RALYL: variants seen among roughly 807,000 people sequenced by gnomAD.
The protein encoded by RALYL is RALY RNA binding protein like, also known as RNA-binding Raly-like protein.
A neutral mutation model predicts 35.1 loss-of-function variants in RALYL; 29 were observed. The observed-to-expected ratio is 0.83, with a 90% CI of 0.61 to 1.13. The LOEUF (loss-of-function observed/expected upper bound fraction) is 1.13. Ranked by LOEUF, RALYL falls within the 50% of genes most tolerant of loss-of-function variation. RALYL has a pLI of 0.00. For missense variants in RALYL, 359 were observed against 360.4 expected (o/e 1.00, Z 0.03); for synonymous variants, 120 against 127.6 (o/e 0.94, Z 0.40).
intron 1 of RALYL, among the ~76,000 whole-genome samples, chr8:84,233,843 G>A (rs113990485): frequency 8.5e-5 from 13 of 152,090 alleles, no homozygotes; most frequent in African/African-American, 2.9e-4. Context: ...TTAAATTCTT[G>A]AGAATAGCAT....
chr8:84,605,349 C>G (rs1816875370), intron 2 of RALYL, among the ~76,000 whole-genome samples: 1 of 152,078 alleles, frequency 6.6e-6, no homozygotes. Context: ...TTACTAGAAA[C>G]TATTCTAAGC....
intron 1 of RALYL, among the ~76,000 whole-genome samples, chr8:84,397,243 C>A (rs1238228243): frequency 6.6e-6 from 1 of 152,152 alleles, no homozygotes; most frequent in African/African-American, 2.4e-5. Context: ...CTACCTATAC[C>A]TTAATTTTAG....
At chr8:84,535,500 G>A (rs1248481601) in intron 2 of RALYL, among the ~76,000 whole-genome samples, 1 of 148,676 alleles carries the variant, frequency 6.7e-6, no homozygotes, top group Non-Finnish European at 1.5e-5. Flanking sequence ...CAGTGGCGCT[G>A]TCTCGGCTCA....
chr8:84,521,512 AC>A (rs1189449766), intron 1 of RALYL, among the ~76,000 whole-genome samples: 2 of 152,068 alleles, frequency 1.3e-5, no homozygotes, highest in Admixed American at 1.3e-4. Flanking sequence ...AATGTGTTTA[AC>A]CCCCTTATGA....
chr8:84,510,138 C>T (rs2057490963), intron 1 of RALYL, among the ~76,000 whole-genome samples: 1 of 152,114 alleles, frequency 6.6e-6, no homozygotes, highest in Admixed American at 6.5e-5. Flanking sequence ...TGGAATATTT[C>T]TCCATTTATT....
chr8:84,308,730 C>G (rs1019701395), intron 1 of RALYL, among the ~76,000 whole-genome samples: 1 of 152,066 alleles, frequency 6.6e-6, no homozygotes, highest in African/African-American at 2.4e-5. Flanking sequence ...TTAAAATGTA[C>G]TGTCAGAACT....
intron 1 of RALYL, chr8:84,184,859 A>G: frequency 1.0e-6 from 1 of 990,640 alleles, no homozygotes. Context: ...AGCACCCGGG[A>G]GATGGGGGTA....
intron 6 of RALYL, among the ~76,000 whole-genome samples, chr8:84,869,199 A>C (rs1204467565): frequency 2.0e-5 from 3 of 152,162 alleles, no homozygotes; most frequent in Non-Finnish European, 4.4e-5. Context: ...ATAGAATTGA[A>C]AGTAAGAAAA....
At chr8:84,803,904 A>G (rs553263132) in intron 3 of RALYL, among the ~76,000 whole-genome samples, 1 of 152,318 alleles carries the variant, frequency 6.6e-6, no homozygotes, top group African/African-American at 2.4e-5. Context: ...ATTTAGTTAA[A>G]AATATCTTCA....
chr8:84,342,364 G>T (rs973185948), intron 1 of RALYL, among the ~76,000 whole-genome samples: 1 of 141,730 alleles, frequency 7.1e-6, no homozygotes, highest in Non-Finnish European at 1.5e-5. Context: ...CACATTAATC[G>T]TCTGTGAAGG....
At chr8:84,376,578 T>A (rs142539844) in intron 1 of RALYL, among the ~76,000 whole-genome samples, 61 of 151,840 alleles carry the variant, frequency 4.0e-4, no homozygotes, top group Admixed American at 9.2e-4. Context: ...GCAGGGTACT[T>A]GGCAAGTTGT....
chr8:84,334,568 T>C (rs997671912), intron 1 of RALYL, among the ~76,000 whole-genome samples: 3 of 151,630 alleles, frequency 2.0e-5, no homozygotes, highest in Admixed American at 2.0e-4. Context: ...TAACTTAACA[T>C]TTAATATTAT....
chr8:84,906,065 G>A (rs1401096522), intron 8 of RALYL, among the ~76,000 whole-genome samples: 1 of 150,762 alleles, frequency 6.6e-6, no homozygotes, highest in Non-Finnish European at 1.5e-5. Context: ...CCCCTACATT[G>A]TATTTATTGA....
intron 2 of RALYL, among the ~76,000 whole-genome samples, chr8:84,626,572 T>C (rs1403178313): frequency 6.6e-6 from 1 of 152,220 alleles, no homozygotes; most frequent in Non-Finnish European, 1.5e-5. Context: ...ATTCAGTGAG[T>C]ATTCAGAACC....
At chr8:84,749,844 C>T (rs1285055279) in intron 2 of RALYL, among the ~76,000 whole-genome samples, 1 of 152,168 alleles carries the variant, frequency 6.6e-6, no homozygotes, top group African/African-American at 2.4e-5. Flanking sequence ...GTCCAACATT[C>T]ATTGTAAGTC....
chr8:84,876,162 T>C (rs1490696341), intron 7 of RALYL, among the ~76,000 whole-genome samples: 2 of 152,164 alleles, frequency 1.3e-5, no homozygotes, highest in Admixed American at 6.6e-5. Context: ...CAAGATCATG[T>C]CTTCTCTTCC....
intron 1 of RALYL, among the ~76,000 whole-genome samples, chr8:84,482,989 T>C (rs993181249): frequency 1.3e-5 from 2 of 152,138 alleles, no homozygotes; most frequent in South Asian, 4.1e-4. Flanking sequence ...ACTATTTTTC[T>C]GCATTGGGTT....
rs181850815 is a variant in RALYL at position 84,288,051 on chromosome 8, C to T, written c.-24+103627C>T. On this transcript the variant is annotated intron_variant, in intron 1 of 8. Transcript: ENST00000521268. ...ATCCAGCTCTAGTGAATAAATAAAG[C>T]CCACAGGCTGAGTGTCAGGCTGGAA... Among the ~76,000 whole-genome samples, 33 of 152,218 alleles carry T rather than the reference C, an allele frequency of 2.2e-4. 2 individuals carry two copies. The East Asian group carries it at 4.4e-3, about 21-fold the overall frequency.
intron 1 of RALYL, among the ~76,000 whole-genome samples, chr8:84,268,333 C>T (rs998105660): frequency 1.3e-5 from 2 of 152,152 alleles, no homozygotes; most frequent in African/African-American, 2.4e-5. Flanking sequence ...CTGCCCTTTT[C>T]AGTCATACCT....
Sources: allele counts gnomAD v4.1 joint callset (sites outside exome capture counted in the v4.1 genomes callset), GRCh38; gene constraint gnomAD v4.1.1; transcripts MANE v1.5; gene names NCBI Gene and HGNC (gene_info 2026-07-23, HGNC 2026-07-21).